Variants in LPCAT2 observed in about 807,000 individuals in gnomAD.
LPCAT2 encodes the protein lysophosphatidylcholine acyltransferase 2.
LPCAT2 carries 58 observed loss-of-function variants against 64.7 expected under a neutral mutation model. That is an observed-to-expected ratio of 0.90 (90% CI 0.73 to 1.12). The LOEUF (loss-of-function observed/expected upper bound fraction) is 1.12, where lower values mean the gene tolerates loss of function less well. Among genes scored for constraint, LPCAT2 ranks in the 50% most tolerant of loss-of-function variants. The probability of loss-of-function intolerance (pLI) is 0.00; values close to 1 mark genes in which losing one functional copy is unlikely to be tolerated. For synonymous variants in LPCAT2, 252 were observed against 245.3 expected, an observed-to-expected ratio of 1.03 and a Z score of -0.26; for missense variants, 579 against 669.8, an observed-to-expected ratio of 0.86 and a Z score of 1.50.
At position 55,545,903 on chromosome 16, in the gene LPCAT2, T is replaced by C. The variant is rs568512238; in HGVS notation, c.935+86T>C. 4,259 of 1,054,984 alleles carry C rather than the reference T, an allele frequency of 4.0e-3. 27 individuals are homozygous for C. Among genetic ancestry groups the C allele is most frequent in the Middle Eastern group, 0.022 (104 of 4,800 alleles). The allele number at this position is 1,054,984 out of a possible 1,614,324, so 65.4% of individuals were successfully genotyped here. A position where few individuals can be genotyped will look rare whatever the true frequency, so the allele number is the denominator to read the frequency against. On this transcript the variant is annotated intron_variant, in intron 9 of 13. Coordinates refer to ENST00000262134, the MANE Select transcript of LPCAT2 (RefSeq NM_017839.5). ...TTAACTCATTTTAAGGATTTTTTTT[T>C]GACCCCTGAAGGCCTCGTTCCCCAA...
chr16:55,519,798 C>A (rs1476857315), intron 1 of LPCAT2, among the ~76,000 whole-genome samples: 1 of 152,092 alleles, frequency 6.6e-6, no homozygotes, highest in Non-Finnish European at 1.5e-5. Flanking sequence ...ACTTTTCTTA[C>A]ACTTTCTGTG....
chr16:55,545,336 GT>G (rs1399805017), intron 8 of LPCAT2: 1 of 157,622 alleles, frequency 6.3e-6, no homozygotes, highest in Non-Finnish European at 1.4e-5. Flanking sequence ...AGAAAAAAAA[GT>G]TTTCACATAA....
In LPCAT2 at chr16:55,529,919, G is replaced by A. The variant is rs377094596; in HGVS notation, c.614G>A (p.Arg205Gln). The A allele has an allele frequency of 5.2e-5, 84 of 1,611,094 alleles. No individual in the cohort carries two copies. The highest frequency in any genetic ancestry group is 6.4e-5 in the Non-Finnish European group (76 of 1,178,866). ...AACACAATAAATGAAATAATAAAGC[G>A]AACAACATCAGGAGGAGAATGGCCC... ...RKNTINEIIK[R>Q]TTSGGEWPQI... The change falls in exon 4 of 14, where the codon CGA becomes CAA. Residue 205 changes from arginine to glutamine, a missense_variant. By Grantham distance (43) the Arg-to-Gln change is conservative (BLOSUM62 1). Coordinates refer to ENST00000262134, the MANE Select transcript of LPCAT2 (RefSeq NM_017839.5).
chr16:55,525,438 A>T, intron 1 of LPCAT2, 70 bp from the exon 2 acceptor site: 1 of 1,410,752 alleles, frequency 7.1e-7, no homozygotes, highest in Non-Finnish European at 9.8e-7. Context: ...TTCCTATTAC[A>T]TGTTTCTGTT....
chr16:55,536,813 A>G (rs935014852), intron 7 of LPCAT2, among the ~76,000 whole-genome samples: 18 of 152,228 alleles, frequency 1.2e-4, no homozygotes, highest in African/African-American at 3.1e-4. Flanking sequence ...CTGGAAAGCT[A>G]TAAGTAGGAA....
At position 55,583,967 on chromosome 16, in the gene LPCAT2, G is replaced by A. The variant is rs1007499200; in HGVS notation, c.*869G>A. On this transcript the variant is annotated 3_prime_UTR_variant, in exon 14 of 14. Transcript: ENST00000262134. ...CAAAGTGCTGGGATTACAGGTGTGA[G>A]CCACCGTTCCCGGCCTATTGTAGAT... The A allele has an allele frequency of 6.6e-6, 1 of 152,194 alleles. No individual in the cohort carries two copies. The highest frequency in any genetic ancestry group is 1.5e-5 in the Non-Finnish European group (1 of 68,052). The allele number at this position is 152,194 out of a possible 1,614,324, so 9.4% of individuals were successfully genotyped here. A position where few individuals can be genotyped will look rare whatever the true frequency, so the allele number is the denominator to read the frequency against.
chr16:55,541,960 G>C, intron 8 of LPCAT2: 3 of 1,233,538 alleles, frequency 2.4e-6, no homozygotes, highest in Non-Finnish European at 3.2e-6. Flanking sequence ...CTGCACATTT[G>C]TTAAGATTGT....
intron 5 of LPCAT2, 165 bp from the exon 6 acceptor site, chr16:55,532,659 C>T (rs199717037): frequency 2.8e-6 from 1 of 352,248 alleles, no homozygotes; most frequent in South Asian, 6.2e-5. Flanking sequence ...AAAAAAAAAT[C>T]CCTCATTTTG....
chr16:55,533,404 G>A (rs545913041), intron 6 of LPCAT2, among the ~76,000 whole-genome samples: 60 of 125,220 alleles, frequency 4.8e-4, no homozygotes, highest in African/African-American at 1.7e-3. Flanking sequence ...TTTGTTTTTC[G>A]GGTTTTTTTT....
At chr16:55,556,672 CA>C (rs1324218864) in intron 11 of LPCAT2, among the ~76,000 whole-genome samples, 4 of 152,094 alleles carry the variant, frequency 2.6e-5, no homozygotes, top group African/African-American at 9.7e-5. Context: ...GGTGTGAACC[CA>C]GGAGGCGGAG....
chr16:55,551,030 T>C lies in LPCAT2; in HGVS notation c.1143T>C (p.Ile381=). The stretch of plus-strand genomic sequence containing the variant: ...CCTCAAAAGGAGGAAGAATTGGAAT[T>C]GAAGAATTCGCCAAGTATTTAAAGT... The part of the protein sequence containing the change: ...ASSSKGGRIG[I]EEFAKYLKLP... The change falls in exon 11 of 14, where the codon ATT becomes ATC. Residue 381 remains isoleucine (I), a synonymous_variant. Transcript: ENST00000262134. 4 of 1,613,334 alleles carry C rather than the reference T, an allele frequency of 2.5e-6. No individual in the cohort carries two copies. The highest frequency in any genetic ancestry group is 3.4e-6 in the Non-Finnish European group (4 of 1,179,512).
intron 11 of LPCAT2, among the ~76,000 whole-genome samples, chr16:55,570,331 T>G (rs918883747): frequency 1.3e-5 from 2 of 152,130 alleles, no homozygotes; most frequent in Non-Finnish European, 2.9e-5. Flanking sequence ...TCAGAAATCT[T>G]ATCAGTACTG....
chr16:55,545,955 C>A (rs1307958306), intron 9 of LPCAT2, 138 bp downstream of exon 9: 1 of 630,700 alleles, frequency 1.6e-6, no homozygotes, highest in Non-Finnish European at 2.9e-6. Flanking sequence ...AAATAATGTG[C>A]CCAGGGATGA....
At chr16:55,547,309 T>C (rs1028553449) in intron 9 of LPCAT2, among the ~76,000 whole-genome samples, 1 of 152,192 alleles carries the variant, frequency 6.6e-6, no homozygotes, top group African/African-American at 2.4e-5. Flanking sequence ...AAACCTTGAT[T>C]AGCTGCACAA....
At chr16:55,532,568 A>G (rs2142383125) in intron 5 of LPCAT2, 1 of 205,858 alleles carries the variant, frequency 4.9e-6, no homozygotes, top group African/African-American at 2.3e-5. Context: ...AAAAGTGGAG[A>G]AATAAATCAA....
intron 11 of LPCAT2, among the ~76,000 whole-genome samples, chr16:55,570,424 G>C (rs1596886037): frequency 6.6e-6 from 1 of 152,132 alleles, no homozygotes; most frequent in East Asian, 1.9e-4. Flanking sequence ...AGTAGTTCAA[G>C]ACTAGCCTGG....
At chr16:55,525,938 C>G (rs962516287) in intron 2 of LPCAT2, 44 of 182,502 alleles carry the variant, frequency 2.4e-4, no homozygotes, top group African/African-American at 9.6e-4. Context: ...ATTTTGTTTT[C>G]TGAGTTATTG....
intron 11 of LPCAT2, among the ~76,000 whole-genome samples, chr16:55,551,746 G>A (rs1297295376): frequency 2.0e-5 from 3 of 152,024 alleles, no homozygotes; most frequent in African/African-American, 2.4e-5. Context: ...ACAACTTCAG[G>A]TTTTCTATTT....
At chr16:55,572,298 A>G (rs1382443099) in intron 11 of LPCAT2, among the ~76,000 whole-genome samples, 2 of 152,202 alleles carry the variant, frequency 1.3e-5, no homozygotes, top group African/African-American at 4.8e-5. Flanking sequence ...CTCACAATAA[A>G]GATACAACAT....
Sources: allele counts gnomAD v4.1 joint callset (sites outside exome capture counted in the v4.1 genomes callset), GRCh38; gene constraint gnomAD v4.1.1; transcripts MANE v1.5; gene names NCBI Gene and HGNC (gene_info 2026-07-23, HGNC 2026-07-21).